CDC73: variants seen among roughly 807,000 people sequenced by gnomAD.
CDC73 encodes the protein cell division cycle 73, also known as parafibromin.
Under a neutral mutation model 83.7 loss-of-function variants are expected in CDC73, and 21 were observed. The ratio of observed to expected loss-of-function variants is 0.25; its 90% confidence interval spans 0.18 to 0.36. The LOEUF (loss-of-function observed/expected upper bound fraction) is 0.36, where lower values mean the gene tolerates loss of function less well. CDC73 is among the 10% of genes least tolerant of loss of function. The pLI, the probability that CDC73 is intolerant of heterozygous loss-of-function variation, is 1.00. For missense variants in CDC73, 342 were observed against 653.3 expected, an observed-to-expected ratio of 0.52 and a Z score of 5.19; for synonymous variants, 224 against 212.9, an observed-to-expected ratio of 1.05 and a Z score of -0.45.
intron 2 of CDC73, among the ~76,000 whole-genome samples, chr1:193,127,288 AATGTGTG>A (rs1675594828): frequency 1.5e-5 from 1 of 68,150 alleles, no homozygotes; most frequent in Non-Finnish European, 3.2e-5. Context: ...AAAAAAAAAA[AATGTGTG>A]TGTGTGTGTG....
At chr1:193,176,012 T>C (rs1233763865) in intron 10 of CDC73, among the ~76,000 whole-genome samples, 1 of 152,174 alleles carries the variant, frequency 6.6e-6, no homozygotes, top group African/African-American at 2.4e-5. Context: ...TTTTTTTTCA[T>C]TAACCTTTTC....
intron 7 of CDC73, among the ~76,000 whole-genome samples, chr1:193,147,419 G>A (rs1165302836): frequency 1.3e-5 from 2 of 149,788 alleles, no homozygotes; most frequent in Non-Finnish European, 1.5e-5. Context: ...CCAGGCTGGA[G>A]TGCAGTGGCA....
At chr1:193,162,138 A>G (rs1285845089) in intron 10 of CDC73, among the ~76,000 whole-genome samples, 2 of 105,148 alleles carry the variant, frequency 1.9e-5, no homozygotes, top group East Asian at 5.3e-4. Flanking sequence ...TGTATATAAT[A>G]TATATTATAT....
At position 193,171,501 on chromosome 1, in the gene CDC73, T is replaced by G. The variant is rs141152728; in HGVS notation, c.972+19057T>G. ...TTTTAAGACTGAGGTCCCTGATTGT[T>G]TGCTGGATGTAAACTGAGGGCTAGT... On this transcript the variant is annotated intron_variant, in intron 10 of 16. Coordinates refer to ENST00000367435, the MANE Select transcript of CDC73 (RefSeq NM_024529.5). Among the ~76,000 whole-genome samples, 552 of 152,290 alleles carry G rather than the reference T, an allele frequency of 3.6e-3. 4 individuals are homozygous for G. Among genetic ancestry groups the G allele is most frequent in the African/African-American group, 0.013 (536 of 41,546 alleles).
At chr1:193,249,397 C>G (rs921959522) in intron 15 of CDC73, among the ~76,000 whole-genome samples, 11 of 151,916 alleles carry the variant, frequency 7.2e-5, no homozygotes, top group African/African-American at 2.7e-4. Context: ...AGGAAATATG[C>G]GTAACTCATT....
chr1:193,214,187 G>A (rs914597113), intron 13 of CDC73, among the ~76,000 whole-genome samples: 12 of 152,244 alleles, frequency 7.9e-5, no homozygotes, highest in African/African-American at 2.6e-4. Flanking sequence ...TTTATTGGTC[G>A]TCAGCATTTT....
At chr1:193,146,746 A>G (rs1245473284) in intron 7 of CDC73, among the ~76,000 whole-genome samples, 1 of 152,238 alleles carries the variant, frequency 6.6e-6, no homozygotes, top group Non-Finnish European at 1.5e-5. Context: ...CATGAAGGAA[A>G]GAGTCGTCAG....
intron 10 of CDC73, among the ~76,000 whole-genome samples, chr1:193,171,937 GTTTGT>G (rs1477086657): frequency 6.6e-6 from 1 of 152,010 alleles, no homozygotes; most frequent in East Asian, 1.9e-4. Context: ...GTTGATTTTT[GTTTGT>G]TTTGAGACAG....
chr1:193,234,175 T>TCTCTCACACACA (rs1241998258), intron 14 of CDC73, among the ~76,000 whole-genome samples: 3 of 101,414 alleles, frequency 3.0e-5, no homozygotes, highest in African/African-American at 8.4e-5. Flanking sequence ...TCTCTCTCTC[T>TCTCTCACACACA]CACACACACA....
At chr1:193,226,043 T>A (rs181661738) in intron 13 of CDC73, among the ~76,000 whole-genome samples, 49 of 151,970 alleles carry the variant, frequency 3.2e-4, no homozygotes, top group Admixed American at 2.4e-3. Flanking sequence ...TTCAGGTCTT[T>A]GTCCTTGATG....
intron 10 of CDC73, among the ~76,000 whole-genome samples, chr1:193,183,019 TAATG>T (rs1356647273): frequency 1.3e-5 from 2 of 152,150 alleles, no homozygotes; most frequent in South Asian, 2.1e-4. Context: ...TAGCCTGTGA[TAATG>T]AGAGAGTCAT....
intron 10 of CDC73, among the ~76,000 whole-genome samples, chr1:193,187,702 A>G (rs1264205430): frequency 7.2e-5 from 11 of 152,068 alleles, no homozygotes; most frequent in Non-Finnish European, 1.6e-4. Flanking sequence ...TGCTATTTCA[A>G]ATGAATATGA....
chr1:193,205,539 T>G (rs992462537), intron 11 of CDC73, among the ~76,000 whole-genome samples: 4 of 152,102 alleles, frequency 2.6e-5, no homozygotes, highest in Admixed American at 2.6e-4. Context: ...TTGTTTTTTG[T>G]TTGACAGTAG....
chr1:193,230,297 C>T (rs375066971), intron 13 of CDC73, among the ~76,000 whole-genome samples: 21 of 151,510 alleles, frequency 1.4e-4, no homozygotes, highest in East Asian at 1.2e-3. Flanking sequence ...TACAAGCGCA[C>T]GCCACCACAC....
chr1:193,186,845 TC>T (rs1676818786), intron 10 of CDC73, among the ~76,000 whole-genome samples: 1 of 152,176 alleles, frequency 6.6e-6, no homozygotes, highest in South Asian at 2.1e-4. Context: ...CCAGCTTACT[TC>T]CTTTTTTAAC....
chr1:193,208,095 G>A (rs1677219632), intron 11 of CDC73, among the ~76,000 whole-genome samples: 1 of 152,180 alleles, frequency 6.6e-6, no homozygotes, highest in South Asian at 2.1e-4. Context: ...TTTTCATAGA[G>A]TGACACCACA....
rs200963527 is a variant in CDC73 at position 193,147,000 on chromosome 1, A to AT, written c.730-856dup. ...ACAAATGTATTTATATTTTATTTAG[A>AT]TTTTTTTTTTTAGACGGATTCTTGC... On this transcript the variant is annotated intron_variant, in intron 7 of 16. Coordinates refer to ENST00000367435, the MANE Select transcript of CDC73 (RefSeq NM_024529.5). Among the ~76,000 whole-genome samples the AT allele has an allele frequency of 2.3e-3, 336 of 147,706 alleles. 1 individual carries two copies. The highest frequency in any genetic ancestry group is 6.9e-3 in the South Asian group (32 of 4,638).
intron 13 of CDC73, among the ~76,000 whole-genome samples, chr1:193,229,613 C>T (rs1444534522): frequency 1.3e-5 from 2 of 152,180 alleles, no homozygotes; most frequent in Admixed American, 1.3e-4. Flanking sequence ...TGTTTACAAG[C>T]CACCCCAGTC....
At position 193,250,873 on chromosome 1, in the gene CDC73, T is replaced by C. The variant is rs1188942497; in HGVS notation, c.*161T>C. 1.5e-6 allele frequency: 1 copy of C among 660,632 alleles called. No homozygotes were observed. The highest frequency in any genetic ancestry group is 2.7e-6 in the Non-Finnish European group (1 of 370,730). The allele number at this position is 660,632 out of a possible 1,614,324, so 40.9% of individuals were successfully genotyped here. A position where few individuals can be genotyped will look rare whatever the true frequency, so the allele number is the denominator to read the frequency against. On this transcript the variant is annotated 3_prime_UTR_variant, in exon 17 of 17. Transcript: ENST00000367435. ...CTGTCATCCATATAAGCAAACTTTT[T>C]GGCTTACAACTATTTTTTTAATATT... is the stretch of plus-strand genomic sequence containing the variant.
Sources: allele counts gnomAD v4.1 joint callset (sites outside exome capture counted in the v4.1 genomes callset), GRCh38; gene constraint gnomAD v4.1.1; transcripts MANE v1.5; gene names NCBI Gene and HGNC (gene_info 2026-07-23, HGNC 2026-07-21).